CDH7: variants seen among roughly 807,000 people sequenced by gnomAD.
CDH7 encodes the protein cadherin 7.
CDH7 carries 25 observed loss-of-function variants against 71.8 expected under a neutral mutation model. The observed-to-expected ratio is 0.35, with a 90% CI of 0.25 to 0.49. The LOEUF (loss-of-function observed/expected upper bound fraction) is 0.49. Ranked by LOEUF, CDH7 falls within the 20% of genes least tolerant of loss-of-function variation. The pLI, the probability that CDH7 is intolerant of heterozygous loss-of-function variation, is 0.99. For synonymous variants in CDH7, 381 were observed against 363.8 expected, an observed-to-expected ratio of 1.05 and a Z score of -0.54; for missense variants, 862 against 974.6, an observed-to-expected ratio of 0.88 and a Z score of 1.54.
Position 65,851,822 on chromosome 18 carries a change from G to A in CDH7, c.1236-5994G>A, listed in dbSNP as rs543544182. ...AATTAGAACAGTAGGTTAGTGACAGGGTAATGGCCAGAAATACTGTCCTTT... is the reference window on the plus strand; with the variant it reads ...AATTAGAACAGTAGGTTAGTGACAGAGTAATGGCCAGAAATACTGTCCTTT... On this transcript the variant is annotated intron_variant, in intron 7 of 11. Coordinates refer to ENST00000397968, the MANE Select transcript of CDH7 (RefSeq NM_004361.5). Among the ~76,000 whole-genome samples the A allele has an allele frequency of 5.9e-5, 9 of 152,304 alleles. No individual in the cohort carries two copies. In the East Asian group the frequency reaches 1.2e-3, roughly 20 times the overall value.
chr18:65,860,455 A>G (rs1259631566), intron 10 of CDH7, among the ~76,000 whole-genome samples: 6 of 152,146 alleles, frequency 3.9e-5, no homozygotes, highest in Admixed American at 6.6e-5. Flanking sequence ...ACAAATACCT[A>G]CAAGTAGATT....
At chr18:65,825,485 CT>C (rs1198928652) in intron 6 of CDH7, among the ~76,000 whole-genome samples, 2 of 151,816 alleles carry the variant, frequency 1.3e-5, no homozygotes, top group African/African-American at 4.8e-5. Flanking sequence ...TCTTTACTCT[CT>C]TTTCAATTTA....
intron 1 of CDH7, among the ~76,000 whole-genome samples, chr18:65,761,516 A>C (rs1337978277): frequency 6.9e-6 from 1 of 145,352 alleles, no homozygotes; most frequent in Non-Finnish European, 1.5e-5. Flanking sequence ...TCTCAACACT[A>C]TATTTTTCTC....
chr18:65,843,267 G>A (rs1258098223), intron 6 of CDH7, among the ~76,000 whole-genome samples: 1 of 152,012 alleles, frequency 6.6e-6, no homozygotes, highest in African/African-American at 2.4e-5. Context: ...AGACATGATG[G>A]GTGCTTCATG....
At chr18:65,754,555 G>C (rs556223037) in intron 1 of CDH7, among the ~76,000 whole-genome samples, 2 of 152,108 alleles carry the variant, frequency 1.3e-5, no homozygotes, top group Admixed American at 6.5e-5. Flanking sequence ...ACTTTAAATG[G>C]TATACAGATG....
At chr18:65,863,849 T>G (rs1411178160) in intron 11 of CDH7, 1 of 152,214 alleles carries the variant, frequency 6.6e-6, no homozygotes, top group Non-Finnish European at 1.5e-5. Flanking sequence ...ATGTCCAATG[T>G]GGACACTGGG....
In CDH7 at chr18:65,778,326, C is replaced by T. The variant is rs551217698; in HGVS notation, c.210+15274C>T. ...ACCTAGTGCCATGCTGACTCAAAAG[C>T]ATGTAACCCTGAATTCCTACAGAAT... On this transcript the variant is annotated intron_variant, in intron 2 of 11. Coordinates refer to ENST00000397968, the MANE Select transcript of CDH7 (RefSeq NM_004361.5). Among the ~76,000 whole-genome samples the T allele has an allele frequency of 4.3e-5, 6 of 140,334 alleles. No individual in the cohort carries two copies. In the South Asian group the frequency reaches 1.4e-3, roughly 33 times the overall value. The allele number at this position is 140,334 out of a possible 152,430, so 92.1% of individuals were successfully genotyped here.
rs1914456763 is a variant in CDH7, at chr18:65,889,673, A to G, written c.*8779A>G. 6.6e-6 allele frequency: 1 copy of G among 152,234 alleles called. No homozygotes were observed. Among genetic ancestry groups the G allele is most frequent in the Non-Finnish European group, 1.5e-5 (1 of 68,040 alleles). 9.4% of individuals were successfully genotyped at this position (152,234 alleles called of 1,614,324 possible). ...TATGATGGTGTATACTTGCAAAATA[A>G]CTAAAGAGTGTATTTAAGATTTAAA... On this transcript the variant is annotated 3_prime_UTR_variant, in exon 12 of 12. Coordinates refer to ENST00000397968, the MANE Select transcript of CDH7 (RefSeq NM_004361.5).
intron 11 of CDH7, among the ~76,000 whole-genome samples, chr18:65,879,581 T>A (rs1011066883): frequency 1.3e-5 from 2 of 152,212 alleles, no homozygotes; most frequent in East Asian, 3.8e-4. Flanking sequence ...CTTATTTGTG[T>A]ATACTAGTGA....
intron 11 of CDH7, among the ~76,000 whole-genome samples, chr18:65,869,733 G>A (rs935574864): frequency 4.6e-5 from 7 of 151,828 alleles, no homozygotes; most frequent in African/African-American, 1.7e-4. Context: ...ACTGCTTTTA[G>A]AGGCAAGGAC....
In CDH7 at chr18:65,830,092, A is replaced by C. The variant is rs553036730; in HGVS notation, c.981+5261A>C. On this transcript the variant is annotated intron_variant, in intron 6 of 11. Coordinates refer to ENST00000397968, the MANE Select transcript of CDH7 (RefSeq NM_004361.5). Reference sequence around the variant, plus strand: ...AGACAAGAGAAAGTGGCACAGAGGTAATCACCTGTGCAGAGACTTCACTTA... The same window carrying C: ...AGACAAGAGAAAGTGGCACAGAGGTCATCACCTGTGCAGAGACTTCACTTA... Among the ~76,000 whole-genome samples, 55 of 152,240 alleles carry C rather than the reference A, an allele frequency of 3.6e-4. No homozygotes were observed. In the South Asian group the frequency reaches 0.011, roughly 30 times the overall value.
intron 2 of CDH7, among the ~76,000 whole-genome samples, chr18:65,781,898 CTCTATCTT>C (rs1568181852): frequency 5.1e-5 from 3 of 58,606 alleles, no homozygotes; most frequent in South Asian, 7.1e-4. Context: ...CTCTCTTTCT[CTCTATCTT>C]TCTCTCTTTC....
rs1466519656 is a variant in CDH7, at chr18:65,883,445, G to A, written c.*2551G>A. 2 of 151,836 alleles carry A rather than the reference G, an allele frequency of 1.3e-5. No homozygotes were observed. The highest frequency in any genetic ancestry group is 2.9e-5 in the Non-Finnish European group (2 of 67,876). The allele number at this position is 151,836 out of a possible 1,614,324, so 9.4% of individuals were successfully genotyped here. On this transcript the variant is annotated 3_prime_UTR_variant, in exon 12 of 12. Coordinates refer to ENST00000397968, the MANE Select transcript of CDH7 (RefSeq NM_004361.5). Reference sequence around the variant, plus strand: ...AGGCTTTGTTTTAAAAACAGTGATTGAAGAGCTGATTGATAAAATTAATAT... The same window carrying A: ...AGGCTTTGTTTTAAAAACAGTGATTAAAGAGCTGATTGATAAAATTAATAT...
intron 4 of CDH7, among the ~76,000 whole-genome samples, chr18:65,819,823 T>A (rs1481011174): frequency 1.3e-5 from 2 of 151,366 alleles, no homozygotes; most frequent in Non-Finnish European, 2.9e-5. Flanking sequence ...GGTTGAGCCC[T>A]CACAGCGTGA....
At chr18:65,811,696 A>G (rs777425440) in intron 3 of CDH7, among the ~76,000 whole-genome samples, 1 of 152,198 alleles carries the variant, frequency 6.6e-6, no homozygotes, top group Non-Finnish European at 1.5e-5. Context: ...GAGCAATTCA[A>G]TTCAACTTCG....
intron 1 of CDH7, among the ~76,000 whole-genome samples, chr18:65,754,974 T>C (rs1327256512): frequency 6.6e-6 from 1 of 152,156 alleles, no homozygotes; most frequent in Non-Finnish European, 1.5e-5. Context: ...CCCTAGACAA[T>C]AGGTTCCTTC....
chr18:65,828,725 T>C (rs142463183), intron 6 of CDH7, among the ~76,000 whole-genome samples: 122 of 152,284 alleles, frequency 8.0e-4, no homozygotes, highest in African/African-American at 2.8e-3. Flanking sequence ...ATCTCATTTT[T>C]AGATGAAAAT....
At chr18:65,776,397 CACACAGAG>C (rs771681773) in intron 2 of CDH7, among the ~76,000 whole-genome samples, 11 of 147,190 alleles carry the variant, frequency 7.5e-5, no homozygotes, top group African/African-American at 2.4e-4. Context: ...CACACACACA[CACACAGAG>C]AGAGAGAGAG....
At position 65,821,956 on chromosome 18, in the gene CDH7, A is replaced by C. The variant is rs143861835; in HGVS notation, c.626-125A>C. ...TTGGTCTTTAATACACAGTAAAATT[A>C]TTTAAAGTAAACAAAACAACAAAAG... is the stretch of plus-strand genomic sequence containing the variant. On this transcript the variant is annotated intron_variant, in intron 4 of 11. Coordinates refer to ENST00000397968, the MANE Select transcript of CDH7 (RefSeq NM_004361.5). 457 of 692,896 alleles carry C rather than the reference A, an allele frequency of 6.6e-4. 3 individuals carry two copies. Among genetic ancestry groups the C allele is most frequent in the East Asian group, 5.7e-3 (208 of 36,642 alleles). The allele number at this position is 692,896 out of a possible 1,614,324, so 42.9% of individuals were successfully genotyped here. A position where few individuals can be genotyped will look rare whatever the true frequency, so the allele number is the denominator to read the frequency against.
Sources: gnomAD v4.1 joint callset for allele counts (sites outside exome capture counted in the v4.1 genomes callset) on GRCh38, gnomAD v4.1.1 for gene constraint, MANE v1.5 for transcripts, NCBI Gene and HGNC (gene_info 2026-07-23, HGNC 2026-07-21) for gene names.